Variants in FHOD3 observed in about 807,000 individuals in gnomAD.
FHOD3 encodes the protein FH1/FH2 domain-containing protein 3.
In FHOD3, 90 loss-of-function variants were observed where a neutral mutation model predicts 173.0. The observed-to-expected ratio is 0.52, with a 90% CI of 0.44 to 0.62. The LOEUF is 0.62. FHOD3 is among the 20% of genes least tolerant of loss of function. The pLI is 0.00. For missense variants in FHOD3, 1,945 were observed against 2,034.7 expected, an observed-to-expected ratio of 0.96 and a Z score of 0.85; for synonymous variants, 828 against 823.0, an observed-to-expected ratio of 1.01 and a Z score of -0.10.
intron 9 of FHOD3, among the ~76,000 whole-genome samples, chr18:36,622,586 T>TA (rs1258460343): frequency 3.9e-5 from 6 of 152,240 alleles, no homozygotes; most frequent in Non-Finnish European, 7.3e-5. Context: ...ATGAGAGGTC[T>TA]AGCAAATGAG....
chr18:36,618,844 G>A (rs766593909), intron 9 of FHOD3, among the ~76,000 whole-genome samples: 2 of 152,014 alleles, frequency 1.3e-5, no homozygotes, highest in South Asian at 2.1e-4. Context: ...TGCACATTGC[G>A]CCTTGTTGCT....
Position 36,576,497 on chromosome 18 carries a change from A to C in FHOD3, c.558A>C (p.Ile186=). ...MLYVDGMNGV[I]NRNETIQWLY... is the part of the protein sequence containing the mutation. ...ATGTGGATGGAATGAATGGAGTAAT[A>C]AACCGCAATGAAACCATTCAGTGGC... Residue 186 remains isoleucine, a synonymous_variant, in exon 6 of 29, where the codon ATA becomes ATC. Coordinates refer to ENST00000590592, the MANE Select transcript of FHOD3 (RefSeq NM_001281740.3). The C allele has an allele frequency of 6.2e-7, 1 of 1,613,938 alleles. No individual in the cohort carries two copies. The highest frequency in any genetic ancestry group is 8.5e-7 in the Non-Finnish European group (1 of 1,179,924).
At chr18:36,483,659 T>C (rs1283735650) in intron 3 of FHOD3, among the ~76,000 whole-genome samples, 1 of 152,240 alleles carries the variant, frequency 6.6e-6, no homozygotes, top group Non-Finnish European at 1.5e-5. Flanking sequence ...ATTTTTCATA[T>C]GAAGAACTGG....
intron 1 of FHOD3, among the ~76,000 whole-genome samples, chr18:36,308,938 G>A (rs1185118501): frequency 1.3e-5 from 2 of 152,168 alleles, no homozygotes. Flanking sequence ...CCACACTGTA[G>A]GTGAGTGTGG....
chr18:36,577,329 T>A (rs987736705), intron 6 of FHOD3, among the ~76,000 whole-genome samples: 1 of 151,878 alleles, frequency 6.6e-6, no homozygotes, highest in Non-Finnish European at 1.5e-5. Flanking sequence ...TGAGACAGAG[T>A]CTTATACTCT....
chr18:36,701,219 AGC>A (rs1447005657), intron 17 of FHOD3, among the ~76,000 whole-genome samples: 1 of 152,184 alleles, frequency 6.6e-6, no homozygotes, highest in Non-Finnish European at 1.5e-5. Context: ...TTATTACATG[AGC>A]CATGGGTGGA....
chr18:36,639,688 T>C (rs1398335515), intron 10 of FHOD3, among the ~76,000 whole-genome samples: 1 of 143,960 alleles, frequency 6.9e-6, no homozygotes, highest in Non-Finnish European at 1.5e-5. Context: ...CTGGGCGTGG[T>C]GGTGGGCGCC....
intron 1 of FHOD3, among the ~76,000 whole-genome samples, chr18:36,336,848 CAAAAAAAAAAA>C (rs36099993): frequency 2.8e-5 from 1 of 35,810 alleles, no homozygotes; most frequent in East Asian, 1.3e-3. Context: ...AACTCCGTCT[CAAAAAAAAAAA>C]AAAAAAAAAA....
intron 9 of FHOD3, among the ~76,000 whole-genome samples, chr18:36,618,787 G>C (rs2033457477): frequency 6.6e-6 from 1 of 152,112 alleles, no homozygotes; most frequent in Admixed American, 6.5e-5. Context: ...TTGTCAGTTG[G>C]AGCATCACTG....
intron 11 of FHOD3, 29 bp from the exon 12 acceptor site, chr18:36,652,541 C>T (rs1255509918): frequency 8.0e-6 from 12 of 1,496,846 alleles, no homozygotes; most frequent in Admixed American, 4.5e-5. Flanking sequence ...TTTTTTTCTT[C>T]TTCCTCCTCC....
chr18:36,594,299 G>T (rs1158918655), intron 6 of FHOD3, among the ~76,000 whole-genome samples: 3 of 152,046 alleles, frequency 2.0e-5, no homozygotes, highest in Non-Finnish European at 4.4e-5. Context: ...TTGGCTTTAA[G>T]AATGGGGTAC....
intron 3 of FHOD3, among the ~76,000 whole-genome samples, chr18:36,443,002 T>A (rs1188804526): frequency 6.6e-6 from 1 of 152,226 alleles, no homozygotes; most frequent in African/African-American, 2.4e-5. Context: ...TCCTTGTGAT[T>A]GATTTCAAGT....
chr18:36,542,900 C>T (rs2057280938), intron 5 of FHOD3, among the ~76,000 whole-genome samples: 3 of 152,272 alleles, frequency 2.0e-5, no homozygotes, highest in Admixed American at 1.3e-4. Context: ...TTTTATGTAT[C>T]AACTCAGCTG....
intron 20 of FHOD3, among the ~76,000 whole-genome samples, chr18:36,739,770 C>A (rs896748707): frequency 4.6e-5 from 7 of 152,224 alleles, no homozygotes; most frequent in Admixed American, 4.6e-4. Flanking sequence ...GTATAGATAA[C>A]GAACTAATAA....
intron 3 of FHOD3, among the ~76,000 whole-genome samples, chr18:36,379,937 A>G (rs2146247737): frequency 6.6e-6 from 1 of 152,348 alleles, no homozygotes; most frequent in East Asian, 1.9e-4. Context: ...GGGAGTTGAA[A>G]AGGAGGATGG....
chr18:36,328,871 A>G (rs2044822931), intron 1 of FHOD3, among the ~76,000 whole-genome samples: 1 of 152,160 alleles, frequency 6.6e-6, no homozygotes, highest in Admixed American at 6.5e-5. Context: ...TGAGGACCTC[A>G]TTTTGTGTGT....
chr18:36,421,494 A>G (rs1004314001), intron 3 of FHOD3, among the ~76,000 whole-genome samples: 7 of 152,224 alleles, frequency 4.6e-5, no homozygotes, highest in African/African-American at 1.4e-4. Flanking sequence ...CTGAGATTGC[A>G]TATGATTGGT....
chr18:36,586,219 C>T (rs2059021289), intron 6 of FHOD3, among the ~76,000 whole-genome samples: 1 of 152,204 alleles, frequency 6.6e-6, no homozygotes, highest in Admixed American at 6.5e-5. Flanking sequence ...TGGGAACCTC[C>T]ATAGTATAGT....
At chr18:36,552,576 G>A (rs2147379430) in intron 5 of FHOD3, among the ~76,000 whole-genome samples, 1 of 150,192 alleles carries the variant, frequency 6.7e-6, no homozygotes, top group South Asian at 2.1e-4. Flanking sequence ...TCGGCTCACT[G>A]CAAGCTCCGC....
Sources: gnomAD v4.1 joint callset for allele counts (sites outside exome capture counted in the v4.1 genomes callset) on GRCh38, gnomAD v4.1.1 for gene constraint, MANE v1.5 for transcripts, NCBI Gene and HGNC (gene_info 2026-07-23, HGNC 2026-07-21) for gene names.